PSMD1: variants seen among roughly 807,000 people sequenced by gnomAD.
PSMD1 encodes proteasome 26S subunit, non-ATPase 1, also known as 26S proteasome non-ATPase regulatory subunit 1.
A neutral mutation model predicts 119.0 loss-of-function variants in PSMD1; 18 were observed. The observed-to-expected ratio is 0.15, with a 90% CI of 0.10 to 0.22. PSMD1 has a LOEUF of 0.22. PSMD1 is among the 10% of genes least tolerant of loss of function. The probability of loss-of-function intolerance (pLI) is 1.00; values close to 1 mark genes in which losing one functional copy is unlikely to be tolerated. For synonymous variants in PSMD1, 374 were observed against 396.6 expected, an observed-to-expected ratio of 0.94 and a Z score of 0.68; for missense variants, 702 against 1,158.5, an observed-to-expected ratio of 0.61 and a Z score of 5.72.
chr2:231,123,986 A>G (rs1359632009), intron 16 of PSMD1: 1 of 520,106 alleles, frequency 1.9e-6, no homozygotes, highest in Non-Finnish European at 3.5e-6. Flanking sequence ...ATTATTTTCT[A>G]GAGGCTTAAA....
chr2:231,169,957 G>A (rs534014389), intron 23 of PSMD1, among the ~76,000 whole-genome samples: 3 of 152,216 alleles, frequency 2.0e-5, no homozygotes, highest in South Asian at 2.1e-4. Context: ...TGAAAAACCC[G>A]GGATATCTGT....
chr2:231,092,264 C>T (rs1167230771), intron 16 of PSMD1, among the ~76,000 whole-genome samples: 1 of 152,084 alleles, frequency 6.6e-6, no homozygotes, highest in Non-Finnish European at 1.5e-5. Context: ...TACCATGATA[C>T]TAGTAATATT....
chr2:231,113,871 G>A (rs1340986001), intron 16 of PSMD1: 1 of 1,614,042 alleles, frequency 6.2e-7, no homozygotes, highest in East Asian at 2.2e-5. Context: ...CGGTTGAAAA[G>A]AGAACGTCAA....
chr2:231,100,709 G>A (rs898524783), intron 16 of PSMD1, among the ~76,000 whole-genome samples: 1 of 152,154 alleles, frequency 6.6e-6, no homozygotes, highest in African/African-American at 2.4e-5. Flanking sequence ...GTTTGCATTA[G>A]GTCCCTTAAT....
intron 19 of PSMD1, 32 bp from the exon 20 acceptor site, chr2:231,161,308 T>C: frequency 6.6e-7 from 1 of 1,523,382 alleles, no homozygotes; most frequent in Non-Finnish European, 9.0e-7. Flanking sequence ...GACAATACTA[T>C]TATTGTTCAT....
At chr2:231,169,436 T>C (rs1245654261) in intron 23 of PSMD1, among the ~76,000 whole-genome samples, 5 of 152,148 alleles carry the variant, frequency 3.3e-5, no homozygotes, top group Non-Finnish European at 5.9e-5. Flanking sequence ...GGTCCATTCA[T>C]AAAATGGATC....
chr2:231,093,179 A>G (rs889067793), intron 16 of PSMD1, among the ~76,000 whole-genome samples: 1 of 152,220 alleles, frequency 6.6e-6, no homozygotes, highest in Non-Finnish European at 1.5e-5. Context: ...GTAACAGGGC[A>G]AAAGAAAAGC....
In PSMD1 at chr2:231,113,857, G is replaced by A. The variant is rs766781270; in HGVS notation, c.1884-24879G>A. ...TGAAATGGCACAGAGATGCATGATG[G>A]ATGCGGTTGAAAAGAGAACGTCAAG... On this transcript the variant is annotated intron_variant, in intron 16 of 24. Transcript: ENST00000308696. 3.7e-6 allele frequency: 6 copies of A among 1,614,024 alleles called. No individual in the cohort carries two copies. The African/African-American group carries it at 8.0e-5, about 22-fold the overall frequency.
At chr2:231,120,271 T>C (rs1439721343) in intron 16 of PSMD1, among the ~76,000 whole-genome samples, 1 of 152,194 alleles carries the variant, frequency 6.6e-6, no homozygotes, top group Non-Finnish European at 1.5e-5. Flanking sequence ...ACTTTTTAAA[T>C]CACTTATAAA....
Position 231,093,835 on chromosome 2 carries a change from G to A in PSMD1, c.1883+6654G>A, listed in dbSNP as rs139674216. On this transcript the variant is annotated intron_variant, in intron 16 of 24. Coordinates refer to ENST00000308696, the MANE Select transcript of PSMD1 (RefSeq NM_002807.4). Reference sequence around the variant, plus strand: ...GTTCTACTGTCCTTGGGGGTTATACGAGATGCCTGTGGAATGTTGGATGTT... The same window carrying A: ...GTTCTACTGTCCTTGGGGGTTATACAAGATGCCTGTGGAATGTTGGATGTT... Among the ~76,000 whole-genome samples the A allele has an allele frequency of 2.2e-3, 342 of 152,034 alleles. 1 individual carries two copies. The highest frequency in any genetic ancestry group is 7.7e-3 in the African/African-American group (320 of 41,430).
intron 16 of PSMD1, chr2:231,113,608 T>G: frequency 1.2e-6 from 1 of 838,858 alleles, no homozygotes; most frequent in Non-Finnish European, 2.1e-6. Flanking sequence ...TATGTTAATG[T>G]ATCAGTAGGC....
chr2:231,170,791 A>G lies in PSMD1; in HGVS notation c.*9+70A>G, dbSNP rs1696895018. On this transcript the variant is annotated intron_variant, in intron 24 of 24. Coordinates refer to ENST00000308696, the MANE Select transcript of PSMD1 (RefSeq NM_002807.4). The surrounding 1 kb of genome is among the most constrained non-coding windows in gnomAD (Gnocchi z 4.1). ...CTTCACAAATGTTTTTTGCAAGGAC[A>G]TCATCTCACGTTTTTCCTTCCTTTT... 3.5e-6 allele frequency: 5 copies of G among 1,437,362 alleles called. No individual in the cohort carries two copies. In the Admixed American group the frequency reaches 7.0e-5, roughly 20 times the overall value. The allele number at this position is 1,437,362 out of a possible 1,614,324, so 89.0% of individuals were successfully genotyped here. A position where few individuals can be genotyped will look rare whatever the true frequency, so the allele number is the denominator to read the frequency against.
At chr2:231,113,440 A>G (rs1469098370) in intron 16 of PSMD1, among the ~76,000 whole-genome samples, 1 of 152,246 alleles carries the variant, frequency 6.6e-6, no homozygotes, top group Non-Finnish European at 1.5e-5. Context: ...CTGTTCTCAA[A>G]CTTAACCTTT....
intron 16 of PSMD1, among the ~76,000 whole-genome samples, chr2:231,127,029 G>A (rs1212500518): frequency 1.3e-5 from 2 of 151,438 alleles, no homozygotes; most frequent in African/African-American, 4.9e-5. Flanking sequence ...ACACATACAC[G>A]CACACACACG....
At chr2:231,078,008 C>G (rs992266395) in intron 9 of PSMD1, among the ~76,000 whole-genome samples, 1 of 152,224 alleles carries the variant, frequency 6.6e-6, no homozygotes, top group Non-Finnish European at 1.5e-5. Context: ...TGGCTTACGC[C>G]TATAATCCCA....
rs79931794 is a variant in PSMD1, at chr2:231,117,062, A to G, written c.1884-21674A>G. Among the ~76,000 whole-genome samples the G allele has an allele frequency of 8.8e-4, 134 of 152,192 alleles. 4 individuals are homozygous for G. In the East Asian group the frequency reaches 0.015, roughly 17 times the overall value. On this transcript the variant is annotated intron_variant, in intron 16 of 24. Coordinates refer to ENST00000308696, the MANE Select transcript of PSMD1 (RefSeq NM_002807.4). The stretch of plus-strand genomic sequence containing the variant: ...CAGTTCTAGACACACTTGTTTTATA[A>G]AGGGGCTTTTCCTAGTCTAGAGACT...
At chr2:231,108,514 C>T in intron 16 of PSMD1, 1 of 1,608,390 alleles carries the variant, frequency 6.2e-7, no homozygotes, top group Non-Finnish European at 8.5e-7. Flanking sequence ...ACTGCCAGTT[C>T]TGCTATACAT....
At chr2:231,074,987 C>G (rs1416089914) in intron 7 of PSMD1, among the ~76,000 whole-genome samples, 2 of 152,148 alleles carry the variant, frequency 1.3e-5, no homozygotes, top group Non-Finnish European at 2.9e-5. Context: ...CACCACTATA[C>G]CTAGTTCATT....
chr2:231,108,094 G>C (rs1392113266), intron 16 of PSMD1: 2 of 192,906 alleles, frequency 1.0e-5, no homozygotes, highest in African/African-American at 4.8e-5. Context: ...TTTTAGCTCT[G>C]TGTTCCTTTT....
Sources: gnomAD v4.1 joint callset for allele counts (sites outside exome capture counted in the v4.1 genomes callset) on GRCh38, gnomAD v4.1.1 for gene constraint, Gnocchi (gnomAD v3.1) non-coding constraint, MANE v1.5 for transcripts, NCBI Gene and HGNC (gene_info 2026-07-23, HGNC 2026-07-21) for gene names.